Variants in DLG2 observed in about 807,000 individuals in gnomAD.
DLG2 encodes discs large MAGUK scaffold protein 2, also known as disks large homolog 2.
Under a neutral mutation model 132.5 loss-of-function variants are expected in DLG2, and 45 were observed. That is an observed-to-expected ratio of 0.34 (90% CI 0.27 to 0.44). DLG2 has a LOEUF of 0.44. Ranked by LOEUF, DLG2 falls within the 20% of genes least tolerant of loss-of-function variation. The probability of loss-of-function intolerance (pLI) is 1.00; values close to 1 mark genes in which losing one functional copy is unlikely to be tolerated. For missense variants in DLG2, 1,045 were observed against 1,196.9 expected (o/e 0.87, Z 1.87); for synonymous variants, 424 against 419.6 (o/e 1.01, Z -0.13).
intron 6 of DLG2, among the ~76,000 whole-genome samples, chr11:84,919,074 T>G (rs758742027): frequency 3.9e-5 from 6 of 152,174 alleles, no homozygotes; most frequent in Non-Finnish European, 8.8e-5. Flanking sequence ...AATGTGTTTC[T>G]AATTAATTAT....
chr11:84,803,009 A>T (rs2075597610), intron 6 of DLG2, among the ~76,000 whole-genome samples: 1 of 152,124 alleles, frequency 6.6e-6, no homozygotes, highest in Non-Finnish European at 1.5e-5. Flanking sequence ...AGTGTTAGCC[A>T]GGATTGCCTC....
At chr11:84,010,319 T>TTATTA (rs1566024449) in intron 11 of DLG2, among the ~76,000 whole-genome samples, 6 of 103,006 alleles carry the variant, frequency 5.8e-5, no homozygotes, top group African/African-American at 1.5e-4. Context: ...TATTATTATT[T>TTATTA]TTGAGACCGG....
intron 25 of DLG2, 39 bp downstream of exon 25, chr11:83,469,162 C>G (rs774903842): frequency 4.1e-6 from 6 of 1,448,380 alleles, no homozygotes; most frequent in Middle Eastern, 1.8e-4. Flanking sequence ...AACCTAGAAA[C>G]CTTCTTCAGG....
At chr11:85,259,296 T>G (rs1030140579) in intron 4 of DLG2, among the ~76,000 whole-genome samples, 1 of 152,186 alleles carries the variant, frequency 6.6e-6, no homozygotes. Flanking sequence ...CATTTGAAGA[T>G]GCATCTGCTT....
Position 83,948,614 on chromosome 11 carries a change from GAAA to G in DLG2, c.1340+14268_1340+14270del, listed in dbSNP as rs3040355. Reference sequence around the variant, plus strand: ...TAATAATGCTACCTATGTAGTACTGGAAAAAAAAAAAAAAGCCATACTTGAGTT... The same window carrying G: ...TAATAATGCTACCTATGTAGTACTGGAAAAAAAAAAAGCCATACTTGAGTT... On this transcript the variant is annotated intron_variant, in intron 14 of 27. Transcript: ENST00000376104. Among the ~76,000 whole-genome samples the G allele has an allele frequency of 8.4e-3, 1,250 of 148,196 alleles. 11 individuals carry two copies. The highest frequency in any genetic ancestry group is 0.028 in the African/African-American group (1,153 of 40,572).
At chr11:84,060,405 C>T (rs1211640502) in intron 10 of DLG2, among the ~76,000 whole-genome samples, 3 of 152,226 alleles carry the variant, frequency 2.0e-5, no homozygotes, top group Admixed American at 1.3e-4. Context: ...CTCTCCACCT[C>T]GATTCATCTT....
At chr11:85,616,825 G>C (rs572429291) in intron 2 of DLG2, among the ~76,000 whole-genome samples, 2 of 152,144 alleles carry the variant, frequency 1.3e-5, no homozygotes, top group African/African-American at 2.4e-5. Context: ...GCATTGTAAC[G>C]CATCTAGGCA....
At chr11:85,277,813 G>C (rs2077984255) in intron 4 of DLG2, among the ~76,000 whole-genome samples, 1 of 152,132 alleles carries the variant, frequency 6.6e-6, no homozygotes, top group South Asian at 2.1e-4. Context: ...GTAATACATA[G>C]TCTCCAGGTA....
At chr11:83,833,435 C>A (rs1025615372) in intron 17 of DLG2, among the ~76,000 whole-genome samples, 179 bp downstream of exon 17, 7 of 152,178 alleles carry the variant, frequency 4.6e-5, no homozygotes, top group Non-Finnish European at 8.8e-5. Context: ...GAGCGAGATT[C>A]TGTCTCAAAG....
intron 3 of DLG2, among the ~76,000 whole-genome samples, chr11:85,314,030 G>T (rs938634740): frequency 4.6e-5 from 7 of 151,788 alleles, no homozygotes; most frequent in Admixed American, 3.9e-4. Context: ...TTAAGCAATG[G>T]CCCCAAAATG....
chr11:84,630,298 A>C (rs1239820714), intron 6 of DLG2, among the ~76,000 whole-genome samples: 1 of 152,048 alleles, frequency 6.6e-6, no homozygotes, highest in Non-Finnish European at 1.5e-5. Flanking sequence ...TCTTGTAGAA[A>C]CCATTTGGGA....
intron 6 of DLG2, among the ~76,000 whole-genome samples, chr11:84,781,975 A>G (rs772959473): frequency 1.8e-4 from 28 of 152,160 alleles, no homozygotes; most frequent in Admixed American, 5.2e-4. Context: ...AGGAATCAAG[A>G]TAGAGCCAAG....
intron 6 of DLG2, among the ~76,000 whole-genome samples, chr11:85,047,222 T>C (rs1040559241): frequency 2.0e-5 from 3 of 151,958 alleles, no homozygotes; most frequent in Admixed American, 2.0e-4. Context: ...TGTTCCTAGA[T>C]TGTTGTCCCT....
rs1012111995 is a variant in DLG2, at chr11:83,532,750, T to C, written c.2151A>G (p.Thr717=). ...VERKERARLK[T]VKFNAKPGVI... ...CTCCAGGTTTGGCATTAAACTTCAC[T>C]GTCTTCAATCGGGCACGTTCCTTTC... Residue 717 remains threonine, a synonymous_variant, in exon 21 of 28, where the codon ACA becomes ACG. Coordinates refer to ENST00000376104, the MANE Select transcript of DLG2 (RefSeq NM_001142699.3). The C allele has an allele frequency of 2.5e-6, 4 of 1,612,928 alleles. No individual in the cohort carries two copies. The highest frequency in any genetic ancestry group is 3.4e-6 in the Non-Finnish European group (4 of 1,179,382).
chr11:84,919,702 G>A (rs544248057), intron 6 of DLG2, among the ~76,000 whole-genome samples: 5 of 152,240 alleles, frequency 3.3e-5, no homozygotes, highest in African/African-American at 9.6e-5. Context: ...GAAATAGTGC[G>A]ATGAGGAAGA....
chr11:85,105,225 C>T (rs2071549339), intron 6 of DLG2, among the ~76,000 whole-genome samples: 1 of 151,896 alleles, frequency 6.6e-6, no homozygotes, highest in Non-Finnish European at 1.5e-5. Context: ...TCATCTTTCC[C>T]ATGAACCAAT....
At chr11:85,322,177 T>C (rs1185486524) in intron 3 of DLG2, among the ~76,000 whole-genome samples, 1 of 152,114 alleles carries the variant, frequency 6.6e-6, no homozygotes, top group Non-Finnish European at 1.5e-5. Context: ...TCATCTGTAC[T>C]TTGACTCCAG....
intron 5 of DLG2, among the ~76,000 whole-genome samples, chr11:85,136,086 A>G (rs1037767657): frequency 2.0e-5 from 3 of 152,216 alleles, no homozygotes; most frequent in African/African-American, 7.2e-5. Flanking sequence ...ACCTTTATAC[A>G]ATCAGTTTAA....
chr11:84,125,138 C>T (rs188510030), intron 9 of DLG2, among the ~76,000 whole-genome samples: 1 of 152,184 alleles, frequency 6.6e-6, no homozygotes, highest in African/African-American at 2.4e-5. Context: ...GTGTGAGCCA[C>T]CGTGCCTGGC....
Sources: allele counts gnomAD v4.1 joint callset (sites outside exome capture counted in the v4.1 genomes callset), GRCh38; gene constraint gnomAD v4.1.1; transcripts MANE v1.5; gene names NCBI Gene and HGNC (gene_info 2026-07-23, HGNC 2026-07-21).